Variants in CORO2B observed in about 807,000 individuals in gnomAD.
The protein encoded by CORO2B is coronin 2B.
A neutral mutation model predicts 58.8 loss-of-function variants in CORO2B; 26 were observed. That is an observed-to-expected ratio of 0.44 (90% CI 0.32 to 0.61). The LOEUF (loss-of-function observed/expected upper bound fraction) is 0.61, where lower values mean the gene tolerates loss of function less well. CORO2B is among the 20% of genes least tolerant of loss of function. CORO2B has a pLI of 0.04. For synonymous variants in CORO2B, 242 were observed against 253.8 expected, an observed-to-expected ratio of 0.95 and a Z score of 0.44; for missense variants, 460 against 645.1, an observed-to-expected ratio of 0.71 and a Z score of 3.11.
the CORO2B span, among the ~76,000 whole-genome samples, chr15:68,555,275 A>G: frequency 6.6e-6 from 1 of 152,170 alleles, no homozygotes; most frequent in African/African-American, 2.4e-5. Context: ...TTCTCCACAC[A>G]CAAACCCTCA....
chr15:68,580,129 G>T (rs1899389645), intron 1 of CORO2B, among the ~76,000 whole-genome samples: 1 of 152,236 alleles, frequency 6.6e-6, no homozygotes, highest in African/African-American at 2.4e-5. Context: ...GTTTCTTCTT[G>T]TGTGCTGTGA....
At chr15:68,611,750 GT>G (rs1407541462) in intron 1 of CORO2B, among the ~76,000 whole-genome samples, 2 of 149,188 alleles carry the variant, frequency 1.3e-5, no homozygotes, top group Admixed American at 1.3e-4. Context: ...AGACATTTAG[GT>G]TTTTCCAATT....
At chr15:68,584,512 G>A (rs1018246953) in intron 1 of CORO2B, among the ~76,000 whole-genome samples, 1 of 152,212 alleles carries the variant, frequency 6.6e-6, no homozygotes, top group Non-Finnish European at 1.5e-5. Flanking sequence ...TGGCAGCTCA[G>A]GGATGGAGTG....
chr15:68,618,133 TACAC>T (rs918301147), intron 1 of CORO2B, among the ~76,000 whole-genome samples: 1 of 150,786 alleles, frequency 6.6e-6, no homozygotes, highest in African/African-American at 2.4e-5. Flanking sequence ...CACACATGCA[TACAC>T]ACACACACAC....
chr15:68,658,300 T>TGAA lies in CORO2B; in HGVS notation c.216+12941_216+12942insAAG, dbSNP rs1954870395. Among the ~76,000 whole-genome samples, 5 of 152,120 alleles carry TGAA rather than the reference T, an allele frequency of 3.3e-5. No homozygotes were observed. In the South Asian group the frequency reaches 1.0e-3, roughly 32 times the overall value. On this transcript the variant is annotated intron_variant, in intron 2 of 11. Coordinates refer to ENST00000261861, the MANE Select transcript of CORO2B (RefSeq NM_006091.5). ...GGCTGGCCAGCTCCCAATTGTTCAA[T>TGAA]GGAGGAGGAGGGCGAGATGCATGGT...
At chr15:68,606,881 G>A (rs1289861405) in intron 1 of CORO2B, among the ~76,000 whole-genome samples, 1 of 152,180 alleles carries the variant, frequency 6.6e-6, no homozygotes, top group Non-Finnish European at 1.5e-5. Flanking sequence ...TCACAGGGCA[G>A]GCACTTCGTA....
chr15:68,578,472 A>G (rs2140550271), upstream of CORO2B, among the ~76,000 whole-genome samples: 1 of 152,282 alleles, frequency 6.6e-6, no homozygotes, highest in Non-Finnish European at 1.5e-5. The surrounding 1 kb of genome is among the most constrained non-coding windows in gnomAD (Gnocchi z 4.2). Flanking sequence ...GTGCTTACAC[A>G]AATCCGTCTG....
chr15:68,683,302 T>A (rs1345624735), intron 2 of CORO2B, among the ~76,000 whole-genome samples: 4 of 152,150 alleles, frequency 2.6e-5, no homozygotes, highest in African/African-American at 9.7e-5. Flanking sequence ...GGGAAGATAC[T>A]GAAGACCCCA....
At chr15:68,683,742 C>T (rs1392895178) in intron 2 of CORO2B, among the ~76,000 whole-genome samples, 1 of 152,198 alleles carries the variant, frequency 6.6e-6, no homozygotes, top group African/African-American at 2.4e-5. Flanking sequence ...GCATGTTCTA[C>T]CTCTCGGCAA....
rs563616245 is a variant in CORO2B at position 68,609,538 on chromosome 15, G to T, written c.15+30261G>T. On this transcript the variant is annotated intron_variant, in intron 1 of 11. Coordinates refer to ENST00000261861, the MANE Select transcript of CORO2B (RefSeq NM_006091.5). ...AAGGAAGGGAAATGTCTGAGCTCCA[G>T]GGCAGGGGCCTTCCCTCCCGAATCC... Among the ~76,000 whole-genome samples, 9 of 152,314 alleles carry T rather than the reference G, an allele frequency of 5.9e-5. No homozygotes were observed. In the East Asian group the frequency reaches 1.7e-3, roughly 29 times the overall value.
the CORO2B span, among the ~76,000 whole-genome samples, chr15:68,541,506 GATA>G: frequency 1.3e-5 from 2 of 151,978 alleles, no homozygotes; most frequent in Non-Finnish European, 2.9e-5. Context: ...AACACAAGGT[GATA>G]ATAAGCTGAA....
chr15:68,546,391 G>A, the CORO2B span, among the ~76,000 whole-genome samples: 1 of 152,134 alleles, frequency 6.6e-6, no homozygotes, highest in Non-Finnish European at 1.5e-5. Flanking sequence ...ATTGAATCCT[G>A]GCTTAGCTAC....
At chr15:68,653,559 T>C (rs1901709256) in intron 2 of CORO2B, among the ~76,000 whole-genome samples, 1 of 152,040 alleles carries the variant, frequency 6.6e-6, no homozygotes, top group South Asian at 2.1e-4. Context: ...CTGCCCACAC[T>C]GAAAGGGGCT....
chr15:68,701,981 G>A (rs1265621991), intron 3 of CORO2B, among the ~76,000 whole-genome samples: 1 of 152,000 alleles, frequency 6.6e-6, no homozygotes, highest in East Asian at 1.9e-4. Flanking sequence ...GGTAGCTCAC[G>A]CCTGTAATCC....
intron 2 of CORO2B, among the ~76,000 whole-genome samples, chr15:68,694,089 G>A (rs747660767): frequency 6.6e-6 from 1 of 152,112 alleles, no homozygotes; most frequent in Non-Finnish European, 1.5e-5. Context: ...GCCCGCCTTG[G>A]CCTCCCAAAG....
At chr15:68,573,684 A>T in the CORO2B span, among the ~76,000 whole-genome samples, 4 of 152,178 alleles carry the variant, frequency 2.6e-5, no homozygotes, top group Non-Finnish European at 5.9e-5. Context: ...ACAGAGAAGG[A>T]GAGACCCGAA....
the CORO2B span, among the ~76,000 whole-genome samples, chr15:68,570,633 G>A: frequency 6.6e-6 from 1 of 152,098 alleles, no homozygotes; most frequent in Non-Finnish European, 1.5e-5. Context: ...TTGTTCTCTT[G>A]TGAAGTACAA....
At chr15:68,555,164 G>A in the CORO2B span, among the ~76,000 whole-genome samples, 3 of 152,196 alleles carry the variant, frequency 2.0e-5, no homozygotes, top group Non-Finnish European at 4.4e-5. Context: ...TGCACTGAAT[G>A]AGGAGGTGTG....
intron 2 of CORO2B, among the ~76,000 whole-genome samples, chr15:68,657,012 G>T (rs1490531717): frequency 6.6e-6 from 1 of 152,178 alleles, no homozygotes; most frequent in African/African-American, 2.4e-5. Context: ...TATCTCATGA[G>T]AATTCTGCCT....
Sources: allele counts gnomAD v4.1 joint callset (sites outside exome capture counted in the v4.1 genomes callset), GRCh38; gene constraint gnomAD v4.1.1; non-coding constraint Gnocchi (gnomAD v3.1); transcripts MANE v1.5; gene names NCBI Gene and HGNC (gene_info 2026-07-23, HGNC 2026-07-21).